SEC24B: variants seen among roughly 807,000 people sequenced by gnomAD.
SEC24B encodes protein transport protein Sec24B.
A neutral mutation model predicts 142.8 loss-of-function variants in SEC24B; 45 were observed. That is an observed-to-expected ratio of 0.32 (90% CI 0.25 to 0.40). The LOEUF (loss-of-function observed/expected upper bound fraction) is 0.40, where lower values mean the gene tolerates loss of function less well. SEC24B is among the 10% of genes least tolerant of loss of function. The probability of loss-of-function intolerance (pLI) is 1.00; values close to 1 mark genes in which losing one functional copy is unlikely to be tolerated. For synonymous variants in SEC24B, 574 were observed against 568.2 expected (o/e 1.01, Z -0.15); for missense variants, 1,409 against 1,526.8 (o/e 0.92, Z 1.29).
chr4:109,482,806 A>G (rs1017199275), intron 4 of SEC24B, among the ~76,000 whole-genome samples: 1 of 149,038 alleles, frequency 6.7e-6, no homozygotes, highest in Non-Finnish European at 1.5e-5. Context: ...TAATGTTTGT[A>G]TTTTTTGTAG....
rs187921230 is a variant in SEC24B at position 109,504,268 on chromosome 4, A to G, written c.1489-2060A>G. ...TTAATAATTTCTAAATGTCATTTAA[A>G]ATTCAGTCTATATTCAGATTTTCCA... On this transcript the variant is annotated intron_variant, in intron 6 of 23. Transcript: ENST00000265175. Among the ~76,000 whole-genome samples the G allele has an allele frequency of 8.3e-4, 127 of 152,320 alleles. 1 individual carries two copies. Among genetic ancestry groups the G allele is most frequent in the African/African-American group, 3.0e-3 (123 of 41,564 alleles).
chr4:109,493,784 A>T (rs968408169), intron 5 of SEC24B, among the ~76,000 whole-genome samples: 2 of 152,022 alleles, frequency 1.3e-5, no homozygotes, highest in African/African-American at 4.8e-5. Context: ...TTTAGTAGAG[A>T]CGGGGTTTTA....
Position 109,436,711 on chromosome 4 carries a change from G to A in SEC24B, c.133+2709G>A, listed in dbSNP as rs888510131. On this transcript the variant is annotated intron_variant, in intron 1 of 23. Transcript: ENST00000265175. ...ACCAGAAAGACCAAGTAATTAGAGA[G>A]TTGGGACTTTGAGTCCCCACCCATC... 3.3e-5 allele frequency among the ~76,000 whole-genome samples: 5 copies of A among 152,350 alleles called. No individual in the cohort carries two copies. In the South Asian group the frequency reaches 8.3e-4, roughly 25 times the overall value.
chr4:109,508,916 C>G (rs1037465661), intron 7 of SEC24B, among the ~76,000 whole-genome samples: 15 of 152,216 alleles, frequency 9.9e-5, no homozygotes, highest in African/African-American at 2.9e-4. Flanking sequence ...AAGTTGTGAA[C>G]AAAACACAGT....
chr4:109,506,672 C>CTCTTT (rs1349587952), intron 7 of SEC24B, among the ~76,000 whole-genome samples, 160 bp downstream of exon 7: 1 of 152,134 alleles, frequency 6.6e-6, no homozygotes, highest in African/African-American at 2.4e-5. Flanking sequence ...CTTAGGTCAT[C>CTCTTT]TCTTTTTGTT....
intron 7 of SEC24B, among the ~76,000 whole-genome samples, chr4:109,506,847 A>T (rs1264801872): frequency 6.6e-6 from 1 of 152,144 alleles, no homozygotes; most frequent in African/African-American, 2.4e-5. Flanking sequence ...TCTTTTCAAT[A>T]AGGACAGATA....
At chr4:109,480,286 A>T (rs1172724837) in intron 3 of SEC24B, among the ~76,000 whole-genome samples, 2 of 152,072 alleles carry the variant, frequency 1.3e-5, no homozygotes, top group East Asian at 3.9e-4. Flanking sequence ...AAAAAAAAAT[A>T]AAGAGAGCAT....
chr4:109,527,465 A>G (rs1171025198), intron 18 of SEC24B, 33 bp downstream of exon 18: 1 of 1,466,048 alleles, frequency 6.8e-7, no homozygotes. Context: ...TGTGAAATGT[A>G]TTTTTCTATC....
intron 18 of SEC24B, 149 bp downstream of exon 18, chr4:109,527,581 G>T: frequency 1.7e-6 from 1 of 594,282 alleles, no homozygotes. Flanking sequence ...GACCAGGCTG[G>T]CCAACATGGT....
chr4:109,482,936 C>CTATATATATATA (rs775978447), intron 4 of SEC24B, among the ~76,000 whole-genome samples: 8 of 34,610 alleles, frequency 2.3e-4, no homozygotes, highest in Non-Finnish European at 3.6e-4. Flanking sequence ...CAGGCTTGTA[C>CTATATATATATA]TATATATATA....
chr4:109,473,662 C>T (rs1479325532), intron 3 of SEC24B, among the ~76,000 whole-genome samples: 2 of 152,280 alleles, frequency 1.3e-5, no homozygotes, highest in African/African-American at 4.8e-5. Context: ...ACTCTTGCGT[C>T]ATTGAAGAAC....
intron 4 of SEC24B, among the ~76,000 whole-genome samples, chr4:109,486,490 T>G (rs1417974570): frequency 1.3e-5 from 2 of 152,218 alleles, no homozygotes; most frequent in African/African-American, 4.8e-5. Context: ...TTCTGATCTG[T>G]TCTCCTCGTT....
intron 18 of SEC24B, among the ~76,000 whole-genome samples, chr4:109,529,168 T>C (rs1724611451): frequency 6.6e-6 from 1 of 150,678 alleles, no homozygotes; most frequent in Non-Finnish European, 1.5e-5. Flanking sequence ...GTCTCGGGGG[T>C]GGGGGGAAAA....
chr4:109,467,475 A>G (rs148688714), intron 2 of SEC24B, among the ~76,000 whole-genome samples: 32 of 152,316 alleles, frequency 2.1e-4, no homozygotes, highest in African/African-American at 6.7e-4. Context: ...ACTGTAGTTG[A>G]ATCTCTAGTA....
At chr4:109,449,361 C>G (rs1010865408) in intron 1 of SEC24B, 20 of 360,210 alleles carry the variant, frequency 5.6e-5, no homozygotes, top group African/African-American at 3.9e-4. Context: ...GTAGCTGGGA[C>G]TACAGGCACG....
intron 4 of SEC24B, among the ~76,000 whole-genome samples, chr4:109,488,159 G>A (rs1435635604): frequency 6.6e-6 from 1 of 151,914 alleles, no homozygotes; most frequent in African/African-American, 2.4e-5. Flanking sequence ...GTGCTGTTCT[G>A]CAGTTTTTAG....
chr4:109,469,506 A>G (rs1182261381), intron 2 of SEC24B, among the ~76,000 whole-genome samples: 1 of 152,232 alleles, frequency 6.6e-6, no homozygotes, highest in Non-Finnish European at 1.5e-5. Flanking sequence ...TTTAAGCAAC[A>G]TGAAGCAACC....
chr4:109,536,322 G>T (rs1725531027), intron 22 of SEC24B, among the ~76,000 whole-genome samples: 2 of 152,108 alleles, frequency 1.3e-5, no homozygotes, highest in African/African-American at 4.8e-5. Context: ...GAAAAATACA[G>T]TGTGGTAAAG....
intron 6 of SEC24B, among the ~76,000 whole-genome samples, chr4:109,505,280 C>T (rs1429977656): frequency 7.2e-5 from 11 of 151,972 alleles, no homozygotes; most frequent in Non-Finnish European, 1.3e-4. Context: ...AAGAAAAGTA[C>T]TGTTCAAGCT....
Sources: allele counts gnomAD v4.1 joint callset (sites outside exome capture counted in the v4.1 genomes callset), GRCh38; gene constraint gnomAD v4.1.1; transcripts MANE v1.5; gene names NCBI Gene and HGNC (gene_info 2026-07-23, HGNC 2026-07-21).